METTL15: variants seen among roughly 807,000 people sequenced by gnomAD.
METTL15 encodes 12S rRNA N(4)-cytidine methyltransferase METTL15.
In METTL15, 34 loss-of-function variants were observed where a neutral mutation model predicts 38.3. The ratio of observed to expected loss-of-function variants is 0.89; its 90% CI spans 0.68 to 1.18. The LOEUF is 1.18. Among genes scored for constraint, METTL15 ranks in the 50% most tolerant of loss-of-function variants. The pLI is 0.00. For synonymous variants in METTL15, 162 were observed against 170.9 expected (o/e 0.95, Z 0.41); for missense variants, 438 against 498.4 (o/e 0.88, Z 1.15).
At chr11:28,378,113 G>T (rs370080872) in intron 5 of METTL15, among the ~76,000 whole-genome samples, 5 of 152,084 alleles carry the variant, frequency 3.3e-5, no homozygotes, top group Non-Finnish European at 5.9e-5. Flanking sequence ...CTTTTTGTTT[G>T]TCTGTGCCCT....
In METTL15 at chr11:28,332,212, G is replaced by A. The variant is rs1849834644; in HGVS notation, c.*1371G>A. 1 of 151,990 alleles carries A rather than the reference G, an allele frequency of 6.6e-6. No individual in the cohort carries two copies. The highest frequency in any genetic ancestry group is 2.4e-5 in the African/African-American group (1 of 41,394). 9.4% of individuals were successfully genotyped at this position (151,990 alleles called of 1,614,324 possible). A position where few individuals can be genotyped will look rare whatever the true frequency, so the allele number is the denominator to read the frequency against. On this transcript the variant is annotated 3_prime_UTR_variant, in exon 7 of 7. Transcript: ENST00000407364. Reference sequence around the variant, plus strand: ...TATTTAAATCTGAACAATCCTACAGGGAAATCAGAATTAGGAAAAAAATCT... The same window carrying A: ...TATTTAAATCTGAACAATCCTACAGAGAAATCAGAATTAGGAAAAAAATCT...
intron 6 of METTL15, among the ~76,000 whole-genome samples, chr11:28,449,822 G>A (rs1851105675): frequency 1.3e-5 from 2 of 152,138 alleles, no homozygotes; most frequent in Non-Finnish European, 1.5e-5. Context: ...AGGATGAAAA[G>A]GGAGAAGAGC....
At chr11:28,489,132 A>G (rs896665405) in intron 6 of METTL15, among the ~76,000 whole-genome samples, 1 of 152,036 alleles carries the variant, frequency 6.6e-6, no homozygotes, top group Non-Finnish European at 1.5e-5. Flanking sequence ...TCTACTTGCC[A>G]TTTCTGGGCT....
intron 3 of METTL15, among the ~76,000 whole-genome samples, chr11:28,172,544 G>T (rs977986499): frequency 1.3e-5 from 2 of 151,954 alleles, no homozygotes; most frequent in African/African-American, 4.8e-5. Context: ...GTTCCTAATA[G>T]CTTCCATTTA....
At chr11:28,395,200 T>C (rs1850555664) in intron 5 of METTL15, among the ~76,000 whole-genome samples, 1 of 152,056 alleles carries the variant, frequency 6.6e-6, no homozygotes, top group African/African-American at 2.4e-5. Flanking sequence ...TCAGGATTTT[T>C]TGTCTTTTGT....
chr11:28,453,999 G>T (rs557805256), intron 6 of METTL15, among the ~76,000 whole-genome samples: 1 of 152,090 alleles, frequency 6.6e-6, no homozygotes, highest in Admixed American at 6.5e-5. Context: ...ACTTTTCTTC[G>T]TTCAGTGATT....
At chr11:28,316,130 A>G (rs1857473329) in intron 6 of METTL15, among the ~76,000 whole-genome samples, 1 of 152,206 alleles carries the variant, frequency 6.6e-6, no homozygotes, top group Non-Finnish European at 1.5e-5. Context: ...AACAGCTTGC[A>G]TCATGCACCT....
At chr11:28,441,819 C>T (rs892933006) in intron 6 of METTL15, among the ~76,000 whole-genome samples, 1 of 152,122 alleles carries the variant, frequency 6.6e-6, no homozygotes, top group Non-Finnish European at 1.5e-5. Flanking sequence ...GTACTTGGGG[C>T]CCTTCCAATC....
intron 6 of METTL15, among the ~76,000 whole-genome samples, chr11:28,470,309 G>A (rs1043512181): frequency 2.0e-5 from 3 of 152,084 alleles, no homozygotes; most frequent in African/African-American, 7.2e-5. Flanking sequence ...TTTTAGTTGG[G>A]CACAAGTCTA....
intron 6 of METTL15, chr11:28,526,378 CT>C (rs1327273039): frequency 1.3e-5 from 2 of 152,272 alleles, no homozygotes; most frequent in African/African-American, 4.8e-5. Context: ...TAGCTTGTGT[CT>C]TTCTAGAAAT....
chr11:28,155,150 A>G lies in METTL15; in HGVS notation c.270+41546A>G, dbSNP rs544214596. Reference sequence around the variant, plus strand: ...GGGAAACTGGTCCCAGCTTCTTTCTATCTCATTCCTTTATTTTGTTAAGGT... The same window carrying G: ...GGGAAACTGGTCCCAGCTTCTTTCTGTCTCATTCCTTTATTTTGTTAAGGT... On this transcript the variant is annotated intron_variant, in intron 3 of 6. Coordinates refer to ENST00000407364, the MANE Select transcript of METTL15 (RefSeq NM_001113528.2). Among the ~76,000 whole-genome samples the G allele has an allele frequency of 3.9e-5, 6 of 152,230 alleles. No homozygotes were observed. In the South Asian group the frequency reaches 8.3e-4, roughly 21 times the overall value.
intron 6 of METTL15, among the ~76,000 whole-genome samples, chr11:28,514,348 T>C (rs1338410467): frequency 6.6e-6 from 1 of 152,182 alleles, no homozygotes; most frequent in African/African-American, 2.4e-5. Flanking sequence ...GATATGTGTT[T>C]ATAAGATCTG....
intron 3 of METTL15, among the ~76,000 whole-genome samples, chr11:28,150,848 GA>G (rs1453267479): frequency 6.6e-6 from 1 of 151,648 alleles, no homozygotes; most frequent in East Asian, 1.9e-4. Context: ...TGATGAACCT[GA>G]AACTGTTCCA....
downstream of METTL15, among the ~76,000 whole-genome samples, chr11:28,531,047 CA>C: frequency 6.6e-6 from 1 of 151,986 alleles, no homozygotes; most frequent in East Asian, 1.9e-4. Context: ...GGCAAATTCA[CA>C]ACTGAAATTG....
At chr11:28,172,168 T>A (rs1049791871) in intron 3 of METTL15, among the ~76,000 whole-genome samples, 1 of 152,042 alleles carries the variant, frequency 6.6e-6, no homozygotes, top group Non-Finnish European at 1.5e-5. Context: ...AATATGTGAT[T>A]TTTTTTTCTT....
chr11:28,395,017 G>A (rs566785844), intron 5 of METTL15, among the ~76,000 whole-genome samples: 17 of 152,142 alleles, frequency 1.1e-4, no homozygotes, highest in South Asian at 2.1e-4. Flanking sequence ...TGAGCTGATC[G>A]TAAGTAATCA....
chr11:28,306,685 G>A (rs572434734), intron 6 of METTL15, among the ~76,000 whole-genome samples: 20 of 152,092 alleles, frequency 1.3e-4, no homozygotes, highest in African/African-American at 4.6e-4. Flanking sequence ...ACAAGCATAT[G>A]CTTTCATTTT....
chr11:28,447,517 CT>C lies in METTL15; in HGVS notation c.*424+23162del, dbSNP rs562485215. On this transcript the variant is annotated intron_variant and NMD_transcript_variant, in intron 6 of 7. Coordinates refer to the METTL15 transcript ENST00000532947. ...TAACGAAAACATGAACCTTGATCTC[CT>C]TTTTTTTTCCCACAGTTTAGTGGGT... 1.4e-3 allele frequency among the ~76,000 whole-genome samples: 215 copies of C among 151,212 alleles called. 1 individual carries two copies. The highest frequency in any genetic ancestry group is 6.8e-3 in the Middle Eastern group (2 of 294).
chr11:28,476,217 C>G (rs750810362), intron 6 of METTL15, among the ~76,000 whole-genome samples: 2 of 152,182 alleles, frequency 1.3e-5, no homozygotes, highest in Non-Finnish European at 2.9e-5. Flanking sequence ...CCATTGTCCC[C>G]CTCTTCACAC....
Sources: gnomAD v4.1 joint callset for allele counts (sites outside exome capture counted in the v4.1 genomes callset) on GRCh38, gnomAD v4.1.1 for gene constraint, MANE v1.5 for transcripts, NCBI Gene and HGNC (gene_info 2026-07-23, HGNC 2026-07-21) for gene names.